The following PAK2 variants were observed in gnomAD, a reference collection of about 807,000 sequenced individuals.
PAK2 encodes the protein serine/threonine-protein kinase PAK 2.
A neutral mutation model predicts 65.9 loss-of-function variants in PAK2; 21 were observed. The ratio of observed to expected loss-of-function variants is 0.32; its 90% CI spans 0.23 to 0.46. The LOEUF (loss-of-function observed/expected upper bound fraction) is 0.46, where lower values mean the gene tolerates loss of function less well. Ranked by LOEUF, PAK2 falls within the 20% of genes least tolerant of loss-of-function variation. The pLI, the probability that PAK2 is intolerant of heterozygous loss-of-function variation, is 1.00. For synonymous variants in PAK2, 204 were observed against 219.7 expected (o/e 0.93, Z 0.63); for missense variants, 324 against 642.6 (o/e 0.50, Z 5.36).
intron 1 of PAK2, among the ~76,000 whole-genome samples, chr3:196,778,599 TCAAAA>T (rs1714609754): frequency 6.6e-6 from 1 of 152,200 alleles, no homozygotes; most frequent in African/African-American, 2.4e-5. Context: ...GATACGTATG[TCAAAA>T]CAAAGCAGCC....
chr3:196,758,819 C>G (rs555581721), intron 1 of PAK2, among the ~76,000 whole-genome samples: 170 of 152,056 alleles, frequency 1.1e-3, no homozygotes, highest in African/African-American at 3.9e-3. Context: ...TCACGCCTGG[C>G]TAAATTTTAT....
intron 5 of PAK2, among the ~76,000 whole-genome samples, chr3:196,805,729 T>G (rs540736851): frequency 2.0e-5 from 3 of 152,062 alleles, no homozygotes; most frequent in Non-Finnish European, 4.4e-5. Flanking sequence ...GAATATAGAC[T>G]GTGGAAAGGT....
intron 2 of PAK2, 137 bp downstream of exon 2, chr3:196,782,970 A>C: frequency 4.3e-6 from 2 of 468,602 alleles, no homozygotes; most frequent in Non-Finnish European, 7.6e-6. Flanking sequence ...ACTATTAAAA[A>C]GACTAGTTTA....
intron 1 of PAK2, among the ~76,000 whole-genome samples, chr3:196,773,989 C>T (rs1029727060): frequency 2.3e-4 from 35 of 152,204 alleles, no homozygotes; most frequent in African/African-American, 7.7e-4. Context: ...GCCGAGATCA[C>T]GCCACTGCAC....
intron 1 of PAK2, among the ~76,000 whole-genome samples, chr3:196,773,919 G>A (rs1451870982): frequency 6.6e-6 from 1 of 151,496 alleles, no homozygotes; most frequent in Non-Finnish European, 1.5e-5. Flanking sequence ...GCGCACTCCT[G>A]TAATCCCAGC....
At position 196,806,739 on chromosome 3, in the gene PAK2, A is replaced by G. The variant is rs1440068617; in HGVS notation, c.576+53A>G. 16 of 1,049,392 alleles carry G rather than the reference A, an allele frequency of 1.5e-5. No individual in the cohort carries two copies. The Admixed American group carries it at 2.7e-4, about 17-fold the overall frequency. 65.0% of individuals were successfully genotyped at this position (1,049,392 alleles called of 1,614,324 possible). A position where few individuals can be genotyped will look rare whatever the true frequency, so the allele number is the denominator to read the frequency against. ...TGTGTGTGCACGTGTGTTTTAAAAA[A>G]TAGCAGAGTTTGTATTTGACTTTCA... On this transcript the variant is annotated intron_variant, in intron 6 of 14. Transcript: ENST00000327134.
intron 10 of PAK2, among the ~76,000 whole-genome samples, chr3:196,813,756 C>T (rs780006238): frequency 6.6e-6 from 1 of 151,992 alleles, no homozygotes; most frequent in African/African-American, 2.4e-5. Flanking sequence ...TCGAGACCAT[C>T]CTGGCCAACG....
At chr3:196,808,015 TATAAAGA>T (rs1435319147) in intron 7 of PAK2, 101 bp downstream of exon 7, 25 of 1,141,268 alleles carry the variant, frequency 2.2e-5, no homozygotes, top group Non-Finnish European at 3.0e-5. Context: ...TGACTTAAAG[TATAAAGA>T]ATAAATTGTT....
intron 11 of PAK2, among the ~76,000 whole-genome samples, chr3:196,817,538 A>ACACAGGGTTT (rs200897244): frequency 0.02 from 3,048 of 152,150 alleles, 73 homozygotes; most frequent in African/African-American, 0.06. Flanking sequence ...TTTTTAGCAG[A>ACACAGGGTTT]CACAGGGTTT....
At chr3:196,745,538 G>A (rs549493311) in intron 1 of PAK2, among the ~76,000 whole-genome samples, 1 of 152,130 alleles carries the variant, frequency 6.6e-6, no homozygotes, top group Admixed American at 6.5e-5. Context: ...ATTTGGCCGG[G>A]TGCAGTGGCT....
chr3:196,814,408 G>A (rs977899152), intron 10 of PAK2, 43 bp from the exon 11 acceptor site: 1 of 753,744 alleles, frequency 1.3e-6, no homozygotes, highest in Middle Eastern at 2.5e-4. Context: ...ATGTGTTTAG[G>A]AAAAATAAAA....
chr3:196,832,157 A>G lies in PAK2; in HGVS notation c.*3752A>G, dbSNP rs530183679. The G allele has an allele frequency of 1.3e-5, 2 of 152,310 alleles. No individual in the cohort carries two copies. The highest frequency in any genetic ancestry group is 4.8e-5 in the African/African-American group (2 of 41,572). 9.4% of individuals were successfully genotyped at this position (152,310 alleles called of 1,614,324 possible). ...AGAAAGCTGCCAAGACAGAGGCAGA[A>G]AGAAATGGATGATAGTTCTGTCAAG... On this transcript the variant is annotated 3_prime_UTR_variant, in exon 15 of 15. Coordinates refer to ENST00000327134, the MANE Select transcript of PAK2 (RefSeq NM_002577.4).
intron 1 of PAK2, among the ~76,000 whole-genome samples, chr3:196,777,445 C>T (rs1714571893): frequency 6.6e-6 from 1 of 152,146 alleles, no homozygotes; most frequent in South Asian, 2.1e-4. Flanking sequence ...CTCAAGTAAT[C>T]CCCCGACCTT....
At chr3:196,814,714 A>G (rs957366228) in intron 11 of PAK2, 146 bp downstream of exon 11, 12 of 588,220 alleles carry the variant, frequency 2.0e-5, no homozygotes, top group Non-Finnish European at 3.0e-5. Context: ...TCTCCGTGCC[A>G]TTTCATCCTA....
At chr3:196,748,416 A>G (rs1713462470) in intron 1 of PAK2, among the ~76,000 whole-genome samples, 1 of 152,170 alleles carries the variant, frequency 6.6e-6, no homozygotes, top group Non-Finnish European at 1.5e-5. Context: ...CAAATGTATA[A>G]CAACATGTCT....
chr3:196,826,419 G>C (rs900159070), intron 13 of PAK2, among the ~76,000 whole-genome samples: 1 of 151,796 alleles, frequency 6.6e-6, no homozygotes. Flanking sequence ...TGACCGGCCC[G>C]CCTTAGCCTC....
chr3:196,762,757 TGCACTCCAGCCTGG>T (rs1038548049), intron 1 of PAK2, among the ~76,000 whole-genome samples: 2 of 150,332 alleles, frequency 1.3e-5, no homozygotes, highest in African/African-American at 4.9e-5. Context: ...ATCGTGCCAT[TGCACTCCAGCCTGG>T]GCAACGAGAG....
chr3:196,799,004 A>G (rs185459710), intron 2 of PAK2, among the ~76,000 whole-genome samples: 228 of 152,318 alleles, frequency 1.5e-3, no homozygotes, highest in Non-Finnish European at 2.7e-3. Flanking sequence ...CTCTTCATCC[A>G]CTTTTATTCA....
At chr3:196,782,385 A>G (rs566954440) in intron 1 of PAK2, among the ~76,000 whole-genome samples, 6 of 152,068 alleles carry the variant, frequency 3.9e-5, no homozygotes, top group African/African-American at 1.4e-4. Flanking sequence ...AGCTTTTGGT[A>G]GTACCATGAT....
Sources: gnomAD v4.1 joint callset for allele counts (sites outside exome capture counted in the v4.1 genomes callset) on GRCh38, gnomAD v4.1.1 for gene constraint, MANE v1.5 for transcripts, NCBI Gene and HGNC (gene_info 2026-07-23, HGNC 2026-07-21) for gene names.